The following DBT variants were observed in gnomAD, a reference collection of about 807,000 sequenced individuals.
DBT encodes lipoamide acyltransferase component of branched-chain alpha-keto acid dehydrogenase complex, mitochondrial.
A neutral mutation model predicts 51.3 loss-of-function variants in DBT; 40 were observed. That is an observed-to-expected ratio of 0.78 (90% CI 0.61 to 1.02). The LOEUF is 1.02. Ranked by LOEUF, DBT falls within the 50% of genes least tolerant of loss-of-function variation. The probability of loss-of-function intolerance (pLI) is 0.00; values close to 1 mark genes in which losing one functional copy is unlikely to be tolerated. For synonymous variants in DBT, 181 were observed against 190.4 expected, an observed-to-expected ratio of 0.95 and a Z score of 0.41; for missense variants, 510 against 580.2, an observed-to-expected ratio of 0.88 and a Z score of 1.24.
At position 100,249,765 on chromosome 1, in the gene DBT, C is replaced by T. The variant is rs398123670; in HGVS notation, c.51+5G>A. Reference sequence around the variant, plus strand: ...CCGGCCTCAGATCTGCCCAAACGTGCTTACCAGCTTCCCCGCATTCCTGCT... The same window carrying T: ...CCGGCCTCAGATCTGCCCAAACGTGTTTACCAGCTTCCCCGCATTCCTGCT... On this transcript the variant is annotated splice_donor_5th_base_variant and intron_variant, in intron 1 of 10. Transcript: ENST00000370132. 6.2e-7 allele frequency: 1 copy of T among 1,614,050 alleles called. No individual in the cohort carries two copies. The highest frequency in any genetic ancestry group is 2.2e-5 in the East Asian group (1 of 44,884).
rs143990438 is a variant in DBT, at chr1:100,196,284, G to T, written c.1420C>A (p.Pro474Thr). The T allele has an allele frequency of 1.9e-6, 3 of 1,613,522 alleles. No homozygotes were observed. The African/African-American group carries it at 4.0e-5, about 22-fold the overall frequency. The part of the protein sequence containing the change: ...SNLWKSYLEN[P>T]AFMLLDLK The stretch of plus-strand genomic sequence containing the variant: ...TTCAGATCTAGTAGCATAAAAGCTG[G>T]GTTTTCTAAATAGGATTTCCACAAA... Residue 474 changes from proline (P) to threonine (T), a missense_variant, in exon 11 of 11, where the codon CCA (proline) becomes ACA (threonine). Pro to Thr is a conservative substitution (Grantham distance 38). Transcript: ENST00000370132.
rs752915898 is a variant in DBT, at chr1:100,196,431, GAAAAAAAAAAAA to G, written c.1282-21_1282-10del. 78 of 648,764 alleles carry G rather than the reference GAAAAAAAAAAAA, an allele frequency of 1.2e-4. No homozygotes were observed. The highest frequency in any genetic ancestry group is 5.6e-4 in the Middle Eastern group (1 of 1,796). The allele number at this position is 648,764 out of a possible 1,614,324, so 40.2% of individuals were successfully genotyped here. ...TTAAATCGGGGAATGGCCTAGAAAT[GAAAAAAAAAAAA>G]AAAAAAAAAAAAAAAAGAACAAAGA... On this transcript the variant is annotated splice_polypyrimidine_tract_variant and intron_variant, in intron 10 of 10. Coordinates refer to ENST00000370132, the MANE Select transcript of DBT (RefSeq NM_001918.5).
rs201227040 is a variant in DBT at position 100,235,533 on chromosome 1, G to T, written c.176-22C>A. 7.4e-6 allele frequency: 10 copies of T among 1,359,506 alleles called. No individual in the cohort carries two copies. The Admixed American group carries it at 1.3e-4, about 18-fold the overall frequency. 84.2% of individuals were successfully genotyped at this position (1,359,506 alleles called of 1,614,324 possible). A position where few individuals can be genotyped will look rare whatever the true frequency, so the allele number is the denominator to read the frequency against. On this transcript the variant is annotated intron_variant, in intron 2 of 10. Transcript: ENST00000370132. ...AGAGCTTCAAAGACAAATGAGAAAT[G>T]ATCTCATTAAGTATATAACATATTA... is the stretch of plus-strand genomic sequence containing the variant.
At chr1:100,198,604 C>T (rs1661241498) in intron 10 of DBT, among the ~76,000 whole-genome samples, 1 of 152,242 alleles carries the variant, frequency 6.6e-6, no homozygotes, top group African/African-American at 2.4e-5. Context: ...GGTTTGGAAA[C>T]TGCAGGAAGC....
chr1:100,212,893 A>G (rs888167461), intron 7 of DBT, among the ~76,000 whole-genome samples: 17 of 152,212 alleles, frequency 1.1e-4, no homozygotes, highest in Non-Finnish European at 1.6e-4. Flanking sequence ...ACTAAGGAGT[A>G]TGGCATACAA....
At chr1:100,248,618 G>A (rs1004989598) in intron 1 of DBT, among the ~76,000 whole-genome samples, 57 of 152,256 alleles carry the variant, frequency 3.7e-4, no homozygotes, top group African/African-American at 1.3e-3. Flanking sequence ...AGGCGGGAAG[G>A]GAAACAGGAT....
chr1:100,233,601 A>T (rs1288803224), intron 3 of DBT, among the ~76,000 whole-genome samples: 1 of 152,234 alleles, frequency 6.6e-6, no homozygotes, highest in Non-Finnish European at 1.5e-5. Flanking sequence ...CATAAATTTA[A>T]TTTACTCAGC....
intron 7 of DBT, chr1:100,213,450 A>G (rs1662282546): frequency 6.4e-7 from 1 of 1,566,458 alleles, no homozygotes; most frequent in Admixed American, 1.7e-5. Flanking sequence ...CCCACCCACC[A>G]TCCCAGGGTC....
chr1:100,209,515 T>C (rs1301457768), intron 8 of DBT, among the ~76,000 whole-genome samples: 2 of 152,196 alleles, frequency 1.3e-5, no homozygotes, highest in Non-Finnish European at 2.9e-5. Context: ...CCTCCCAGAA[T>C]ATCTAAGCTC....
Position 100,196,373 on chromosome 1 carries a change from A to G in DBT, c.1331T>C (p.Met444Thr), listed in dbSNP as rs191644614. The change falls in exon 11 of 11, where the codon ATG (methionine) becomes ACG (threonine). Residue 444 changes from methionine to threonine, a missense_variant. By Grantham distance (81) the Met-to-Thr change is moderately conservative. Coordinates refer to ENST00000370132, the MANE Select transcript of DBT (RefSeq NM_001918.5). ...QKGEVYKAQI[M>T]NVSWSADHRV... Reference sequence around the variant, plus strand: ...GTGATCAGCTGACCAGCTCACATTCATTATCTGTGCCTTATATACTTCTCC... The same window carrying G: ...GTGATCAGCTGACCAGCTCACATTCGTTATCTGTGCCTTATATACTTCTCC... 1.1e-5 allele frequency: 18 copies of G among 1,597,838 alleles called. No homozygotes were observed. The East Asian group carries it at 2.7e-4, about 24-fold the overall frequency.
At chr1:100,196,679 C>T in intron 10 of DBT, 2 of 504,298 alleles carry the variant, frequency 4.0e-6, no homozygotes, top group Non-Finnish European at 7.0e-6. Context: ...TACCTACATT[C>T]ATTAACTTTC....
intron 1 of DBT, 148 bp from the exon 2 acceptor site, chr1:100,241,032 T>G (rs1664180980): frequency 4.7e-6 from 4 of 860,066 alleles, no homozygotes; most frequent in Non-Finnish European, 5.4e-6. Context: ...TTTGTTACAT[T>G]TATGATCCTT....
At position 100,196,416 on chromosome 1, in the gene DBT, G is replaced by A; in HGVS notation, c.1288C>T (p.Pro430Ser). The A allele has an allele frequency of 1.3e-6, 1 of 744,764 alleles. No homozygotes were observed. Among genetic ancestry groups the A allele is most frequent in the Admixed American group, 2.4e-5 (1 of 40,948 alleles). 46.1% of individuals were successfully genotyped at this position (744,764 alleles called of 1,614,324 possible). A position where few individuals can be genotyped will look rare whatever the true frequency, so the allele number is the denominator to read the frequency against. Residue 430 changes from proline (P) to serine (S), a missense_variant, in exon 11 of 11, where the codon CCC (proline) becomes TCC (serine). Physicochemically the swap from Pro to Ser is moderately conservative, Grantham distance 74. Coordinates refer to ENST00000370132, the MANE Select transcript of DBT (RefSeq NM_001918.5). ...IGALGSIKAI[P>S]RFNQKGEVYK... Reference sequence around the variant, plus strand: ...ACTTCTCCTTTCTGGTTAAATCGGGGAATGGCCTAGAAATGAAAAAAAAAA... The same window carrying A: ...ACTTCTCCTTTCTGGTTAAATCGGGAAATGGCCTAGAAATGAAAAAAAAAA...
intron 10 of DBT, among the ~76,000 whole-genome samples, chr1:100,205,290 C>T (rs546957953): frequency 2.0e-4 from 31 of 152,032 alleles, no homozygotes; most frequent in South Asian, 8.3e-4. Context: ...ATAAAGTGGG[C>T]GAAGGATATG....
chr1:100,201,421 C>T (rs1292440020), intron 10 of DBT, among the ~76,000 whole-genome samples: 3 of 152,044 alleles, frequency 2.0e-5, no homozygotes, highest in African/African-American at 4.8e-5. Context: ...ACCAAAACTA[C>T]GTTTGATTGG....
chr1:100,215,880 A>C, intron 6 of DBT, 103 bp downstream of exon 6: 1 of 787,200 alleles, frequency 1.3e-6, no homozygotes, highest in East Asian at 2.4e-5. Flanking sequence ...CTTTCCCTTC[A>C]GTAAGACTTG....
intron 3 of DBT, among the ~76,000 whole-genome samples, chr1:100,234,628 T>C (rs1663747779): frequency 6.6e-6 from 1 of 152,212 alleles, no homozygotes; most frequent in Non-Finnish European, 1.5e-5. Context: ...TATCCTCATA[T>C]GACACATTAA....
intron 4 of DBT, among the ~76,000 whole-genome samples, chr1:100,224,330 T>C (rs973125155): frequency 6.6e-6 from 1 of 152,164 alleles, no homozygotes; most frequent in Non-Finnish European, 1.5e-5. Context: ...TAAGAAAAGA[T>C]ACATAAAATA....
chr1:100,193,504 A>G lies in DBT; in HGVS notation c.*2751T>C, dbSNP rs1477059131. ...CTGTAAGCCCAATCAAGGAAGCATGAAGGTGGCTACTGTATGCTTAGAACC... is the reference window on the plus strand; with the variant it reads ...CTGTAAGCCCAATCAAGGAAGCATGGAGGTGGCTACTGTATGCTTAGAACC... On this transcript the variant is annotated 3_prime_UTR_variant, in exon 11 of 11. Coordinates refer to ENST00000370132, the MANE Select transcript of DBT (RefSeq NM_001918.5). The G allele has an allele frequency of 6.6e-6, 1 of 152,244 alleles. No individual in the cohort carries two copies. The highest frequency in any genetic ancestry group is 1.5e-5 in the Non-Finnish European group (1 of 68,048). The allele number at this position is 152,244 out of a possible 1,614,324, so 9.4% of individuals were successfully genotyped here.
Sources: allele counts gnomAD v4.1 joint callset (sites outside exome capture counted in the v4.1 genomes callset), GRCh38; gene constraint gnomAD v4.1.1; transcripts MANE v1.5; gene names NCBI Gene and HGNC (gene_info 2026-07-23, HGNC 2026-07-21).